Variants in NCOA2 observed in about 807,000 individuals in gnomAD.
NCOA2 encodes nuclear receptor coactivator 2.
Under a neutral mutation model 145.1 loss-of-function variants are expected in NCOA2, and 21 were observed. The observed-to-expected ratio is 0.14, with a 90% CI of 0.10 to 0.21. NCOA2 has a LOEUF of 0.21. Ranked by LOEUF, NCOA2 falls within the 10% of genes least tolerant of loss-of-function variation. The probability of loss-of-function intolerance (pLI) is 1.00; values close to 1 mark genes in which losing one functional copy is unlikely to be tolerated. For missense variants in NCOA2, 1,472 were observed against 1,837.6 expected (o/e 0.80, Z 3.64); for synonymous variants, 619 against 637.5 (o/e 0.97, Z 0.44).
At chr8:70,453,425 G>A in the NCOA2 span, among the ~76,000 whole-genome samples, 1 of 152,150 alleles carries the variant, frequency 6.6e-6, no homozygotes, top group Non-Finnish European at 1.5e-5. Context: ...AATCCATTTT[G>A]CCCAAAGGTG....
chr8:70,139,685 C>T (rs1397354573), intron 14 of NCOA2, among the ~76,000 whole-genome samples: 1 of 127,084 alleles, frequency 7.9e-6, no homozygotes, highest in East Asian at 2.6e-4. Context: ...AGGAGTCTCA[C>T]TCTGTTGCCC....
chr8:70,278,172 T>A (rs1825607288), intron 2 of NCOA2, among the ~76,000 whole-genome samples: 1 of 152,246 alleles, frequency 6.6e-6, no homozygotes, highest in African/African-American at 2.4e-5. Context: ...ATATGGCCTT[T>A]ATGACTGGCT....
chr8:70,443,234 G>T, the NCOA2 span, among the ~76,000 whole-genome samples: 152,118 of 152,120 alleles, frequency 1, 76,058 homozygotes, highest in Middle Eastern at 1. Context: ...GGGTGGTGGG[G>T]GGCGCATGCC....
intron 1 of NCOA2, among the ~76,000 whole-genome samples, chr8:70,366,320 G>A (rs528375692): frequency 6.6e-6 from 1 of 152,218 alleles, no homozygotes; most frequent in Non-Finnish European, 1.5e-5. Context: ...AAAGAGGGGG[G>A]AAATACACAG....
chr8:70,379,884 A>C (rs1812038836), intron 1 of NCOA2, among the ~76,000 whole-genome samples: 1 of 152,178 alleles, frequency 6.6e-6, no homozygotes, highest in Non-Finnish European at 1.5e-5. Flanking sequence ...TCATACAAAA[A>C]TGACGCATGG....
intron 1 of NCOA2, among the ~76,000 whole-genome samples, chr8:70,400,567 G>A (rs1030731184): frequency 2.6e-5 from 4 of 152,096 alleles, no homozygotes; most frequent in Admixed American, 6.6e-5. Flanking sequence ...CAAATGGTGG[G>A]GGGTTTTGAA....
intron 2 of NCOA2, among the ~76,000 whole-genome samples, chr8:70,290,553 A>C (rs553090959): frequency 1.3e-5 from 2 of 152,148 alleles, no homozygotes; most frequent in Non-Finnish European, 2.9e-5. Context: ...TAGACAACCT[A>C]ATGCATGGAA....
At chr8:70,211,194 C>T (rs1044523906) in intron 4 of NCOA2, among the ~76,000 whole-genome samples, 1 of 152,174 alleles carries the variant, frequency 6.6e-6, no homozygotes, top group Non-Finnish European at 1.5e-5. Flanking sequence ...GGCACAGTGG[C>T]TCATGCCTGT....
the NCOA2 span, among the ~76,000 whole-genome samples, chr8:70,418,997 A>G: frequency 6.6e-6 from 1 of 152,012 alleles, no homozygotes; most frequent in African/African-American, 2.4e-5. Context: ...GTATGCTTCC[A>G]TCAGTGTGTA....
At chr8:70,223,418 C>G (rs1398936823) in intron 2 of NCOA2, among the ~76,000 whole-genome samples, 1 of 152,148 alleles carries the variant, frequency 6.6e-6, no homozygotes, top group African/African-American at 2.4e-5. Context: ...AATGAGAGTT[C>G]TCTCTCACAG....
intron 1 of NCOA2, among the ~76,000 whole-genome samples, chr8:70,301,785 C>A (rs1484363800): frequency 1.3e-5 from 2 of 151,452 alleles, no homozygotes; most frequent in African/African-American, 4.9e-5. Context: ...AACAAAAGGG[C>A]AGCCCAACAA....
At chr8:70,359,303 A>C (rs1264132913) in intron 1 of NCOA2, among the ~76,000 whole-genome samples, 3 of 152,228 alleles carry the variant, frequency 2.0e-5, no homozygotes, top group African/African-American at 7.2e-5. Flanking sequence ...AAAATAGCCA[A>C]AAGGTAGCAA....
the NCOA2 span, among the ~76,000 whole-genome samples, chr8:70,411,612 T>C: frequency 1.3e-5 from 2 of 152,170 alleles, no homozygotes; most frequent in African/African-American, 2.4e-5. Context: ...ACTGAATGAA[T>C]TACAGCATTT....
intron 1 of NCOA2, among the ~76,000 whole-genome samples, chr8:70,395,649 C>T: frequency 6.6e-6 from 1 of 151,934 alleles, no homozygotes; most frequent in East Asian, 1.9e-4. Context: ...ACAAATGCTA[C>T]TACAATACCA....
At chr8:70,267,417 T>C (rs1824702415) in intron 2 of NCOA2, among the ~76,000 whole-genome samples, 1 of 145,020 alleles carries the variant, frequency 6.9e-6, no homozygotes, top group Non-Finnish European at 1.5e-5. Flanking sequence ...TTTTTTCCTT[T>C]GAGATAGGGC....
At chr8:70,441,400 A>G in the NCOA2 span, among the ~76,000 whole-genome samples, 15 of 146,644 alleles carry the variant, frequency 1.0e-4, no homozygotes, top group African/African-American at 2.3e-4. Context: ...GAAAGAAAGA[A>G]AAGAAGAGAG....
chr8:70,148,587 A>T (rs1299268204), intron 11 of NCOA2, 104 bp from the exon 12 acceptor site: 2 of 961,456 alleles, frequency 2.1e-6, no homozygotes, highest in Non-Finnish European at 3.2e-6. Flanking sequence ...CCACAGCCAA[A>T]TAAAATAGGT....
At chr8:70,435,012 T>G in the NCOA2 span, among the ~76,000 whole-genome samples, 32 of 152,210 alleles carry the variant, frequency 2.1e-4, no homozygotes, top group African/African-American at 7.7e-4. Flanking sequence ...CCATGAGATT[T>G]TAATTCTATT....
At chr8:70,378,270 C>T (rs1382463024) in intron 1 of NCOA2, among the ~76,000 whole-genome samples, 1 of 151,938 alleles carries the variant, frequency 6.6e-6, no homozygotes, top group Non-Finnish European at 1.5e-5. Flanking sequence ...TAGTGAGACC[C>T]CATCGCCATA....
Sources: gnomAD v4.1 joint callset for allele counts (sites outside exome capture counted in the v4.1 genomes callset) on GRCh38, gnomAD v4.1.1 for gene constraint, MANE v1.5 for transcripts, NCBI Gene and HGNC (gene_info 2026-07-23, HGNC 2026-07-21) for gene names.